Variants in DBF4B observed in about 807,000 individuals in gnomAD.
DBF4B encodes the protein protein DBF4 homolog B.
DBF4B carries 49 observed loss-of-function variants against 53.4 expected under a neutral mutation model. The observed-to-expected ratio is 0.92, with a 90% CI of 0.73 to 1.16. The LOEUF (loss-of-function observed/expected upper bound fraction) is 1.16. DBF4B is among the 50% of genes most tolerant of loss of function. DBF4B has a pLI of 0.00. For synonymous variants in DBF4B, 257 were observed against 288.7 expected (o/e 0.89, Z 1.11); for missense variants, 692 against 775.0 (o/e 0.89, Z 1.27).
Position 44,750,655 on chromosome 17 carries a change from G to A in DBF4B, c.1250G>A (p.Gly417Glu). Reference protein sequence around the residue: ...RWTESLDGVMGPPASHTCVSA... With the variant: ...RWTESLDGVMEPPASHTCVSA... ...ACAGAATCACTAGATGGTGTGATGG[G>A]ACCTCCTGCAAGTCACACATGTGTG... The change falls in exon 14 of 14, where the codon GGA becomes GAA. Residue 417 changes from glycine to glutamate, a missense_variant. By Grantham distance (98) the Gly-to-Glu change is moderately conservative. Transcript: ENST00000315005. 6.2e-7 allele frequency: 1 copy of A among 1,613,986 alleles called. No individual in the cohort carries two copies. The highest frequency in any genetic ancestry group is 8.5e-7 in the Non-Finnish European group (1 of 1,180,032).
intron 6 of DBF4B, chr17:44,733,885 G>A: frequency 3.4e-6 from 2 of 580,124 alleles, no homozygotes; most frequent in Non-Finnish European, 6.2e-6. Context: ...CACCCGCTCA[G>A]GTGCTGTTCC....
At chr17:44,714,303 T>C (rs1366570060) in intron 2 of DBF4B, among the ~76,000 whole-genome samples, 1 of 152,148 alleles carries the variant, frequency 6.6e-6, no homozygotes, top group East Asian at 1.9e-4. Flanking sequence ...AAAAACTACC[T>C]GTACCCCAGA....
At chr17:44,725,116 C>CA (rs57821218) in intron 3 of DBF4B, among the ~76,000 whole-genome samples, 7,241 of 46,018 alleles carry the variant, frequency 0.16, 512 homozygotes, top group East Asian at 0.26. Context: ...GACTCCATCT[C>CA]AAAAAAAAAA....
At chr17:44,733,351 C>G (rs766976650) in intron 6 of DBF4B, among the ~76,000 whole-genome samples, 2 of 152,190 alleles carry the variant, frequency 1.3e-5, no homozygotes, top group Non-Finnish European at 2.9e-5. Flanking sequence ...CTCAGTTTTA[C>G]TCAGCTGTAA....
intron 3 of DBF4B, 76 bp from the exon 4 acceptor site, chr17:44,729,829 C>G: frequency 6.6e-7 from 1 of 1,510,052 alleles, no homozygotes. Flanking sequence ...GCCAAGATTT[C>G]CTTCTCCAGC....
intron 2 of DBF4B, among the ~76,000 whole-genome samples, chr17:44,715,019 G>A (rs1973207190): frequency 6.6e-6 from 1 of 151,990 alleles, no homozygotes; most frequent in Admixed American, 6.6e-5. Flanking sequence ...CTTGATGTGG[G>A]ACTTTTTTCA....
intron 2 of DBF4B, chr17:44,720,528 C>T (rs1973739746): frequency 5.3e-6 from 1 of 189,336 alleles, no homozygotes; most frequent in Middle Eastern, 2.7e-3. Flanking sequence ...ACCTTGCCAC[C>T]AACATCAGCT....
chr17:44,724,050 GA>G (rs1974080499), intron 3 of DBF4B, among the ~76,000 whole-genome samples: 1 of 152,090 alleles, frequency 6.6e-6, no homozygotes, highest in Non-Finnish European at 1.5e-5. Flanking sequence ...ACAGTGAGCT[GA>G]AGTCGAGGTC....
intron 3 of DBF4B, among the ~76,000 whole-genome samples, chr17:44,726,189 A>G (rs747351492): frequency 3.3e-5 from 5 of 150,592 alleles, no homozygotes; most frequent in Non-Finnish European, 7.4e-5. Flanking sequence ...GGGTTTCTCC[A>G]TGTTGGTTAG....
At chr17:44,720,843 C>T (rs141314042) in intron 2 of DBF4B, among the ~76,000 whole-genome samples, 149 of 151,982 alleles carry the variant, frequency 9.8e-4, no homozygotes, top group Non-Finnish European at 1.4e-3. Context: ...CATATCCTCA[C>T]CAACACTTGC....
chr17:44,748,310 C>T, intron 12 of DBF4B, 31 bp from the exon 13 acceptor site: 1 of 1,559,422 alleles, frequency 6.4e-7, no homozygotes, highest in Non-Finnish European at 8.7e-7. Flanking sequence ...GAAGTTGAAA[C>T]CTGCAGCTCA....
At chr17:44,732,564 G>T (rs1004598166) in intron 6 of DBF4B, 8 of 339,598 alleles carry the variant, frequency 2.4e-5, no homozygotes, top group African/African-American at 1.7e-4. Context: ...ATGCAGAAAT[G>T]ATCTTAATAT....
intron 6 of DBF4B, chr17:44,733,856 A>T: frequency 1.8e-6 from 1 of 541,442 alleles, no homozygotes; most frequent in Non-Finnish European, 3.3e-6. Flanking sequence ...GTTGTATTCA[A>T]TGCTGCAAAA....
chr17:44,748,388 C>T lies in DBF4B; in HGVS notation c.1112C>T (p.Thr371Ile). ...GATTGTGACCCTCTCTGTCCTGAGA[C>T]TCTGCACCCCCATCAGCCCTCCCAT... ...ASDCDPLCPE[T>I]LHPHQPSHPR... The change falls in exon 13 of 14, where the codon ACT becomes ATT. Residue 371 changes from threonine to isoleucine, a missense_variant. Around this residue, in one of 3 missense-constraint regions of DBF4B, gnomAD observed 597 missense variants for 665.8 expected, o/e 0.90. Coordinates refer to ENST00000315005, the MANE Select transcript of DBF4B (RefSeq NM_145663.3). The T allele has an allele frequency of 6.2e-7, 1 of 1,613,112 alleles. No individual in the cohort carries two copies. The highest frequency in any genetic ancestry group is 8.5e-7 in the Non-Finnish European group (1 of 1,179,432).
chr17:44,749,979 G>T lies in DBF4B; in HGVS notation c.1190-616G>T, dbSNP rs1230421577. ...CCACTCACAGAGCTCCCTCCCCCAG[G>T]CACTTAGTTGGGGCCCAGCACTGAC... On this transcript the variant is annotated intron_variant, in intron 13 of 13. Coordinates refer to ENST00000315005, the MANE Select transcript of DBF4B (RefSeq NM_145663.3). This position sits in a 1 kb window ranked among gnomAD's most constrained non-coding sequence, Gnocchi z 4.4. The T allele has an allele frequency of 2.2e-5, 22 of 1,005,756 alleles. No individual in the cohort carries two copies. The highest frequency in any genetic ancestry group is 5.9e-6 in the Non-Finnish European group (5 of 841,694). The allele number at this position is 1,005,756 out of a possible 1,614,324, so 62.3% of individuals were successfully genotyped here.
chr17:44,716,894 T>C (rs1973378343), intron 2 of DBF4B, among the ~76,000 whole-genome samples: 1 of 152,176 alleles, frequency 6.6e-6, no homozygotes. Flanking sequence ...AGCCTTCTCT[T>C]ATCTCCTGTC....
In DBF4B at chr17:44,749,304, G is replaced by C. The variant is rs1382708582; in HGVS notation, c.1189+839G>C. On this transcript the variant is annotated intron_variant, in intron 13 of 13. Coordinates refer to ENST00000315005, the MANE Select transcript of DBF4B (RefSeq NM_145663.3). This position sits in a 1 kb window ranked among gnomAD's most constrained non-coding sequence, Gnocchi z 4.4. The stretch of plus-strand genomic sequence containing the variant: ...CCCAGCCCCATGCTGGCAGAGAGCT[G>C]CTCCTACGAGTCCCCAAGGTGCTTG... 3 of 1,290,074 alleles carry C rather than the reference G, an allele frequency of 2.3e-6. No homozygotes were observed. Among genetic ancestry groups the C allele is most frequent in the Non-Finnish European group, 3.0e-6 (3 of 988,868 alleles). 79.9% of individuals were successfully genotyped at this position (1,290,074 alleles called of 1,614,324 possible).
chr17:44,746,789 A>G (rs1008946030), intron 10 of DBF4B, among the ~76,000 whole-genome samples: 2 of 151,290 alleles, frequency 1.3e-5, no homozygotes, highest in African/African-American at 4.9e-5. Flanking sequence ...ACTGCACTCC[A>G]GCCTGGGTGA....
At chr17:44,734,530 C>T (rs779764931) in intron 7 of DBF4B, among the ~76,000 whole-genome samples, 3 of 152,206 alleles carry the variant, frequency 2.0e-5, no homozygotes, top group Admixed American at 6.5e-5. Context: ...AGACTGGGAA[C>T]GAGTCTGCAT....
Sources: allele counts gnomAD v4.1 joint callset (sites outside exome capture counted in the v4.1 genomes callset), GRCh38; gene constraint gnomAD v4.1.1; regional missense constraint gnomAD v4.1.1; non-coding constraint Gnocchi (gnomAD v3.1); transcripts MANE v1.5; gene names NCBI Gene and HGNC (gene_info 2026-07-23, HGNC 2026-07-21).